NAALADL2: variants seen among roughly 807,000 people sequenced by gnomAD.
NAALADL2 encodes the protein inactive N-acetylated-alpha-linked acidic dipeptidase-like protein 2.
Under a neutral mutation model 87.2 loss-of-function variants are expected in NAALADL2, and 76 were observed. That is an observed-to-expected ratio of 0.87 (90% CI 0.72 to 1.05). NAALADL2 has a LOEUF of 1.05. Among genes scored for constraint, NAALADL2 ranks in the 50% least tolerant of loss-of-function variants. The probability of loss-of-function intolerance (pLI) is 0.00; values close to 1 mark genes in which losing one functional copy is unlikely to be tolerated. For missense variants in NAALADL2, 1,089 were observed against 945.8 expected (o/e 1.15, Z -1.99); for synonymous variants, 354 against 331.0 (o/e 1.07, Z -0.75).
chr3:175,453,138 A>C (rs2149241852), intron 6 of NAALADL2, among the ~76,000 whole-genome samples: 1 of 152,274 alleles, frequency 6.6e-6, no homozygotes, highest in East Asian at 1.9e-4. Flanking sequence ...ACGATTTTAC[A>C]GCTTCTTATT....
At chr3:175,643,734 C>T (rs1020752052) in intron 11 of NAALADL2, among the ~76,000 whole-genome samples, 5 of 152,092 alleles carry the variant, frequency 3.3e-5, no homozygotes, top group African/African-American at 1.2e-4. Context: ...GAAGAACAAA[C>T]TATTTTTCTG....
At chr3:175,720,902 A>G (rs1394850767) in intron 11 of NAALADL2, among the ~76,000 whole-genome samples, 1 of 152,290 alleles carries the variant, frequency 6.6e-6, no homozygotes, top group South Asian at 2.1e-4. Flanking sequence ...GCTTTCACTG[A>G]AAGAACTACT....
At chr3:174,846,366 G>C (rs1337840681) in intron 3 of NAALADL2, among the ~76,000 whole-genome samples, 1 of 152,094 alleles carries the variant, frequency 6.6e-6, no homozygotes, top group African/African-American at 2.4e-5. Context: ...TTGTTGTTTT[G>C]TTTCCTTTTT....
At chr3:175,289,326 T>A (rs1755360391) in intron 4 of NAALADL2, among the ~76,000 whole-genome samples, 2 of 152,138 alleles carry the variant, frequency 1.3e-5, no homozygotes, top group Non-Finnish European at 2.9e-5. Context: ...ATTTTAAGAC[T>A]TCTATAGAGC....
intron 1 of NAALADL2, among the ~76,000 whole-genome samples, chr3:175,005,204 A>AT (rs1748850795): frequency 6.6e-6 from 1 of 152,132 alleles, no homozygotes; most frequent in African/African-American, 2.4e-5. Context: ...AGATACTATT[A>AT]TTATCCCCAA....
chr3:175,593,721 C>G (rs1041564692), intron 10 of NAALADL2, among the ~76,000 whole-genome samples: 8 of 151,830 alleles, frequency 5.3e-5, no homozygotes, highest in African/African-American at 1.9e-4. Context: ...CCCTTGTCTG[C>G]TTTTGTGTCC....
intron 1 of NAALADL2, among the ~76,000 whole-genome samples, chr3:174,473,037 A>G (rs1243170543): frequency 2.3e-4 from 35 of 152,178 alleles, no homozygotes; most frequent in Admixed American, 2.3e-3. Context: ...AAGAGGGAAT[A>G]ATGTTTGGAA....
chr3:175,133,548 C>G (rs1053806741), intron 2 of NAALADL2, among the ~76,000 whole-genome samples: 4 of 152,190 alleles, frequency 2.6e-5, no homozygotes, highest in East Asian at 1.9e-4. Context: ...AGCGAAACCC[C>G]GTCTCCACCA....
At chr3:175,327,342 A>G (rs1423015608) in intron 5 of NAALADL2, among the ~76,000 whole-genome samples, 3 of 151,720 alleles carry the variant, frequency 2.0e-5, no homozygotes, top group Non-Finnish European at 4.4e-5. Flanking sequence ...TTTTTAGTAG[A>G]GACGGGGTTT....
chr3:175,565,781 A>G (rs1370954609), intron 9 of NAALADL2, among the ~76,000 whole-genome samples: 3 of 146,334 alleles, frequency 2.1e-5, no homozygotes, highest in Non-Finnish European at 4.5e-5. Flanking sequence ...TATCTGTTAC[A>G]TGGTTTGTTT....
At chr3:175,071,438 C>A (rs1715622785) in intron 1 of NAALADL2, among the ~76,000 whole-genome samples, 1 of 151,996 alleles carries the variant, frequency 6.6e-6, no homozygotes, top group South Asian at 2.1e-4. Flanking sequence ...TCATTCTTTT[C>A]TCTTTTTGTT....
At chr3:175,585,371 G>A (rs1394928912) in intron 10 of NAALADL2, among the ~76,000 whole-genome samples, 1 of 151,992 alleles carries the variant, frequency 6.6e-6, no homozygotes, top group Non-Finnish European at 1.5e-5. Flanking sequence ...TTTATCTTCT[G>A]CTAGATTCAT....
At chr3:175,146,645 T>G (rs543743859) in intron 2 of NAALADL2, among the ~76,000 whole-genome samples, 3 of 152,248 alleles carry the variant, frequency 2.0e-5, no homozygotes, top group African/African-American at 7.2e-5. Context: ...TCACATGAAC[T>G]AAGAAGAAAA....
chr3:174,757,033 T>C (rs1412432310), intron 3 of NAALADL2, among the ~76,000 whole-genome samples: 2 of 152,218 alleles, frequency 1.3e-5, no homozygotes, highest in Non-Finnish European at 2.9e-5. Flanking sequence ...TTAGCATTAA[T>C]TGCAAAATAA....
At chr3:174,877,429 T>A (rs1177026584) in intron 1 of NAALADL2, among the ~76,000 whole-genome samples, 1 of 152,052 alleles carries the variant, frequency 6.6e-6, no homozygotes, top group African/African-American at 2.4e-5. Context: ...ATTACTTCAA[T>A]CTCCATTCCA....
At chr3:175,626,527 G>C (rs367676164) in intron 10 of NAALADL2, among the ~76,000 whole-genome samples, 8 of 151,376 alleles carry the variant, frequency 5.3e-5, no homozygotes, top group Non-Finnish European at 1.0e-4. Flanking sequence ...TCCTGTTCTC[G>C]CAACTCCACA....
intron 3 of NAALADL2, among the ~76,000 whole-genome samples, chr3:174,742,017 C>A (rs1733813373): frequency 6.6e-6 from 1 of 151,496 alleles, no homozygotes. Context: ...TGAACTGTTT[C>A]TAAAATTGAT....
chr3:175,480,723 A>G (rs1267889953), intron 9 of NAALADL2, among the ~76,000 whole-genome samples: 1 of 151,882 alleles, frequency 6.6e-6, no homozygotes, highest in Non-Finnish European at 1.5e-5. Flanking sequence ...GTAGGTAATC[A>G]TAGGATCCAA....
At chr3:174,748,078 A>G (rs984539655) in intron 3 of NAALADL2, among the ~76,000 whole-genome samples, 21 of 152,124 alleles carry the variant, frequency 1.4e-4, no homozygotes, top group African/African-American at 5.1e-4. Context: ...ACCAAACACC[A>G]CATGTTCTCA....
Sources: allele counts gnomAD v4.1 joint callset (sites outside exome capture counted in the v4.1 genomes callset), GRCh38; gene constraint gnomAD v4.1.1; transcripts MANE v1.5; gene names NCBI Gene and HGNC (gene_info 2026-07-23, HGNC 2026-07-21).